Variants in THADA observed in about 807,000 individuals in gnomAD.
The protein encoded by THADA is tRNA (32-2'-O)-methyltransferase regulator THADA.
A neutral mutation model predicts 219.8 loss-of-function variants in THADA; 213 were observed. The observed-to-expected ratio is 0.97, with a 90% CI of 0.87 to 1.09. The LOEUF is 1.09. THADA is among the 50% of genes least tolerant of loss of function. THADA has a pLI of 0.00. For synonymous variants in THADA, 1,018 were observed against 828.9 expected (o/e 1.23, Z -3.92); for missense variants, 2,956 against 2,311.3 (o/e 1.28, Z -5.72).
At chr2:43,257,976 G>GC (rs2104183194) in intron 36 of THADA, among the ~76,000 whole-genome samples, 2 of 152,220 alleles carry the variant, frequency 1.3e-5, no homozygotes, top group East Asian at 3.9e-4. Context: ...GATTCAGCAG[G>GC]CTCTGGGGCT....
intron 22 of THADA, among the ~76,000 whole-genome samples, chr2:43,509,804 T>A (rs1301078296): frequency 6.6e-6 from 1 of 152,152 alleles, no homozygotes; most frequent in Non-Finnish European, 1.5e-5. Context: ...GACATGGGCC[T>A]AAAAATATTA....
rs1449185117 is a variant in THADA, at chr2:43,586,985, G to C, written c.320C>G (p.Pro107Arg). The C allele has an allele frequency of 1.9e-6, 3 of 1,613,146 alleles. No homozygotes were observed. Among genetic ancestry groups the C allele is most frequent in the Non-Finnish European group, 2.5e-6 (3 of 1,179,650 alleles). The part of the protein sequence containing the change: ...KVLASSLNSL[P>R]DFFLPEAMHR... ...CATAGCCTCAGGTAGAAAAAAATCA[G>C]GCAGGCTATTTAGTGAGCTAGAAAA... is the stretch of plus-strand genomic sequence containing the variant. Residue 107 changes from proline (P) to arginine (R), a missense_variant, in exon 5 of 38, where the codon CCT (proline) becomes CGT (arginine). Pro to Arg is a moderately radical substitution (Grantham distance 103). Coordinates refer to ENST00000405975, the MANE Select transcript of THADA (RefSeq NM_022065.5).
intron 20 of THADA, among the ~76,000 whole-genome samples, chr2:43,545,060 A>G (rs1453502667): frequency 1.3e-5 from 2 of 152,140 alleles, no homozygotes; most frequent in African/African-American, 4.8e-5. Flanking sequence ...ATCAATATCT[A>G]ATTTATTGAG....
At position 43,292,128 on chromosome 2, in the gene THADA, G is replaced by A. The variant is rs200266713; in HGVS notation, c.4913C>T (p.Thr1638Met). Residue 1638 changes from threonine (T) to methionine (M), a missense_variant, in exon 33 of 38, where the codon ACG (threonine) becomes ATG (methionine). Coordinates refer to ENST00000405975, the MANE Select transcript of THADA (RefSeq NM_022065.5). Reference protein sequence around the residue: ...HLTPKEFLIWTMDIASNERSE... With the variant: ...HLTPKEFLIWMMDIASNERSE... ...CCTTTCATTGGAAGCAATATCCATCGTCCAGATCAAGAACTCCTTTGGGGT... is the reference window on the plus strand; with the variant it reads ...CCTTTCATTGGAAGCAATATCCATCATCCAGATCAAGAACTCCTTTGGGGT... The A allele has an allele frequency of 1.4e-4, 226 of 1,609,432 alleles. No individual in the cohort carries two copies. Among genetic ancestry groups the A allele is most frequent in the Non-Finnish European group, 1.7e-4 (203 of 1,178,060 alleles).
At chr2:43,593,673 G>T (rs919347928) in intron 1 of THADA, among the ~76,000 whole-genome samples, 1 of 132,620 alleles carries the variant, frequency 7.5e-6, no homozygotes, top group African/African-American at 3.0e-5. Flanking sequence ...TTGCTCCTTC[G>T]CCCATGCTGG....
At chr2:43,260,380 C>T (rs189131196) in intron 36 of THADA, among the ~76,000 whole-genome samples, 9 of 152,190 alleles carry the variant, frequency 5.9e-5, no homozygotes, top group Admixed American at 1.3e-4. Context: ...ACAGAGTGCT[C>T]GGTTTTTATC....
intron 36 of THADA, among the ~76,000 whole-genome samples, chr2:43,255,878 T>C (rs1249755897): frequency 6.6e-6 from 1 of 152,158 alleles, no homozygotes; most frequent in Non-Finnish European, 1.5e-5. Context: ...TGATCCAAAA[T>C]TCTTTGGGCA....
chr2:43,292,099 C>A lies in THADA; in HGVS notation c.4937+5G>T. ...AAGGTTGCACAGGAGGTTTTGGGGG[C>A]AAACCTTTCATTGGAAGCAATATCC... On this transcript the variant is annotated splice_donor_5th_base_variant and intron_variant, in intron 33 of 37. Coordinates refer to ENST00000405975, the MANE Select transcript of THADA (RefSeq NM_022065.5). The A allele has an allele frequency of 6.3e-7, 1 of 1,587,302 alleles. No homozygotes were observed. Among genetic ancestry groups the A allele is most frequent in the Non-Finnish European group, 8.6e-7 (1 of 1,165,444 alleles).
chr2:43,380,211 C>A (rs1031440053), intron 29 of THADA, among the ~76,000 whole-genome samples: 3 of 152,190 alleles, frequency 2.0e-5, no homozygotes, highest in Admixed American at 2.0e-4. Context: ...GACAAAAGAA[C>A]CCAACTGTGG....
At chr2:43,514,588 T>TACACA (rs1690958408) in intron 22 of THADA, among the ~76,000 whole-genome samples, 2 of 109,514 alleles carry the variant, frequency 1.8e-5, no homozygotes, top group African/African-American at 3.8e-5. Context: ...GTATATTTTA[T>TACACA]ATATGTATAT....
chr2:43,484,254 A>G (rs1686611399), intron 26 of THADA: 1 of 165,668 alleles, frequency 6.0e-6, no homozygotes, highest in African/African-American at 2.4e-5. Flanking sequence ...TTTCATTAGA[A>G]TTATCACTAG....
intron 21 of THADA, among the ~76,000 whole-genome samples, chr2:43,530,700 A>G (rs561724784): frequency 6.6e-6 from 1 of 152,344 alleles, no homozygotes; most frequent in African/African-American, 2.4e-5. Context: ...GATTTACAAC[A>G]GTTCATAATT....
chr2:43,493,735 T>TA (rs1207344014), intron 25 of THADA, among the ~76,000 whole-genome samples: 1 of 152,186 alleles, frequency 6.6e-6, no homozygotes, highest in African/African-American at 2.4e-5. Context: ...TCTGTTAACT[T>TA]AGATTGTTAA....
rs1399531177 is a variant in THADA at position 43,425,442 on chromosome 2, TTGTATGTG to T, written c.4058+2650_4058+2657del. On this transcript the variant is annotated intron_variant, in intron 28 of 37. Coordinates refer to ENST00000405975, the MANE Select transcript of THADA (RefSeq NM_022065.5). ...GCTACTACTGTCTAGCTTGTTAAAA[TTGTATGTG>T]TGTGTGTGTGTGTGTGTGTGTGTGT... is the stretch of plus-strand genomic sequence containing the variant. Among the ~76,000 whole-genome samples, 188 of 112,876 alleles carry T rather than the reference TTGTATGTG, an allele frequency of 1.7e-3. 1 individual carries two copies. Among genetic ancestry groups the T allele is most frequent in the African/African-American group, 6.8e-3 (185 of 27,172 alleles). 74.1% of individuals were successfully genotyped at this position (112,876 alleles called of 152,430 possible). A position where few individuals can be genotyped will look rare whatever the true frequency, so the allele number is the denominator to read the frequency against.
intron 36 of THADA, among the ~76,000 whole-genome samples, chr2:43,234,357 T>A (rs1667780619): frequency 6.6e-6 from 1 of 152,188 alleles, no homozygotes; most frequent in Non-Finnish European, 1.5e-5. Flanking sequence ...CAGGTGAAAG[T>A]ACTGATCTCA....
intron 30 of THADA, among the ~76,000 whole-genome samples, chr2:43,338,154 CTTTT>C (rs35928615): frequency 1.6e-5 from 2 of 126,358 alleles, no homozygotes; most frequent in Non-Finnish European, 1.7e-5. Flanking sequence ...ATCACCAGAA[CTTTT>C]TTTTTTTTTT....
At chr2:43,368,722 T>G (rs918101833) in intron 29 of THADA, among the ~76,000 whole-genome samples, 1 of 152,098 alleles carries the variant, frequency 6.6e-6, no homozygotes, top group South Asian at 2.1e-4. Context: ...TTAAATCTGT[T>G]GATAACTTCC....
intron 25 of THADA, among the ~76,000 whole-genome samples, chr2:43,489,874 C>CAAAAAAAAAAAAGAAAAA (rs1687406924): frequency 1.8e-5 from 1 of 56,088 alleles, no homozygotes; most frequent in South Asian, 7.2e-4. Context: ...TTAAGATCTG[C>CAAAAAAAAAAAAGAAAAA]AAAAAAAAAA....
intron 26 of THADA, among the ~76,000 whole-genome samples, chr2:43,457,744 C>A (rs1683190618): frequency 6.6e-6 from 1 of 152,052 alleles, no homozygotes; most frequent in Non-Finnish European, 1.5e-5. Flanking sequence ...TTCTTTTGTC[C>A]AATTCAAATT....
Sources: gnomAD v4.1 joint callset for allele counts (sites outside exome capture counted in the v4.1 genomes callset) on GRCh38, gnomAD v4.1.1 for gene constraint, MANE v1.5 for transcripts, NCBI Gene and HGNC (gene_info 2026-07-23, HGNC 2026-07-21) for gene names.